Variants in NXN observed in about 807,000 individuals in gnomAD.
NXN encodes the protein nucleoredoxin.
A neutral mutation model predicts 48.6 loss-of-function variants in NXN; 16 were observed. That is an observed-to-expected ratio of 0.33 (90% confidence interval 0.22 to 0.50). NXN has a LOEUF of 0.50. Ranked by LOEUF, NXN falls within the 20% of genes least tolerant of loss-of-function variation. The probability of loss-of-function intolerance (pLI) is 0.98; values close to 1 mark genes in which losing one functional copy is unlikely to be tolerated. For synonymous variants in NXN, 281 were observed against 269.6 expected, an observed-to-expected ratio of 1.04 and a Z score of -0.41; for missense variants, 492 against 605.5, an observed-to-expected ratio of 0.81 and a Z score of 1.97.
At chr17:810,584 C>G (rs1911928297) in intron 5 of NXN, among the ~76,000 whole-genome samples, 1 of 152,124 alleles carries the variant, frequency 6.6e-6, no homozygotes, top group South Asian at 2.1e-4. Flanking sequence ...AAAACACTCC[C>G]CTGCTTAGAG....
chr17:843,057 AAGGAAGAAAGCAAGC>A (rs1384483725), intron 1 of NXN, among the ~76,000 whole-genome samples: 168 of 105,912 alleles, frequency 1.6e-3, no homozygotes, highest in African/African-American at 5.5e-3. Context: ...AGAAAGAAAG[AAGGAAGAAAGCAAGC>A]AAGCAAGCTG....
At chr17:805,369 A>T in intron 5 of NXN, 122 bp from the exon 6 acceptor site, 1 of 1,050,322 alleles carries the variant, frequency 9.5e-7, no homozygotes, top group Non-Finnish European at 1.3e-6. Flanking sequence ...AGGACCTGGT[A>T]CAGGCTCACA....
At chr17:847,049 G>C (rs541126636) in intron 1 of NXN, among the ~76,000 whole-genome samples, 7 of 152,232 alleles carry the variant, frequency 4.6e-5, no homozygotes, top group Admixed American at 3.9e-4. Context: ...AGTCGGCAGG[G>C]TGAGCTTTTC....
In NXN at chr17:825,364, T is replaced by C. The variant is rs4968061; in HGVS notation, c.478+597A>G. ...GAATCTTCTCACTGGACGGATTAAG[T>C]GAGGGGAGGAGATCTCACAGCCCTG... is the stretch of plus-strand genomic sequence containing the variant. On this transcript the variant is annotated intron_variant, in intron 2 of 7. Coordinates refer to ENST00000336868, the MANE Select transcript of NXN (RefSeq NM_022463.5). The surrounding 1 kb of genome is among the most constrained non-coding windows in gnomAD (Gnocchi z 4.1). Among the ~76,000 whole-genome samples the C allele has an allele frequency of 0.078, 11,929 of 151,988 alleles. 594 individuals carry two copies. The highest frequency in any genetic ancestry group is 0.14 in the Middle Eastern group (40 of 294).
At chr17:837,421 C>A (rs1322394823) in intron 1 of NXN, among the ~76,000 whole-genome samples, 2 of 152,198 alleles carry the variant, frequency 1.3e-5, no homozygotes, top group African/African-American at 4.8e-5. Flanking sequence ...GCCTAGTATA[C>A]CTGCTGGCCA....
Position 919,640 on chromosome 17 carries a change from A to T in NXN, c.360+59679T>A, listed in dbSNP as rs2068725233. Among the ~76,000 whole-genome samples, 1 of 152,048 alleles carries T rather than the reference A, an allele frequency of 6.6e-6. No individual in the cohort carries two copies. The highest frequency in any genetic ancestry group is 2.4e-5 in the African/African-American group (1 of 41,392). On this transcript the variant is annotated intron_variant, in intron 1 of 7. Transcript: ENST00000336868. The surrounding 1 kb of genome is among the most constrained non-coding windows in gnomAD (Gnocchi z 5.1). ...CATTCGTCCCACGCGGCCCTCAGAC[A>T]CGGGCTCTGGTTCAAGGTGGGAGAC...
intron 1 of NXN, among the ~76,000 whole-genome samples, chr17:936,999 G>T (rs961230874): frequency 1.3e-5 from 2 of 151,704 alleles, no homozygotes; most frequent in Non-Finnish European, 2.9e-5. Context: ...ACCCCAGGAG[G>T]CCGAGATTGC....
intron 1 of NXN, among the ~76,000 whole-genome samples, chr17:972,801 G>A (rs186248384): frequency 7.9e-5 from 12 of 152,340 alleles, no homozygotes; most frequent in African/African-American, 1.9e-4. Context: ...GGAGGCTGAC[G>A]CGGGTGGATC....
intron 1 of NXN, among the ~76,000 whole-genome samples, chr17:884,765 A>G (rs1410508314): frequency 6.6e-6 from 1 of 152,202 alleles, no homozygotes; most frequent in Non-Finnish European, 1.5e-5. Context: ...CTCGGGAATT[A>G]ATAAGCTAAA....
Position 962,003 on chromosome 17 carries a change from C to T in NXN, c.360+17316G>A, listed in dbSNP as rs1309251844. 3.3e-5 allele frequency among the ~76,000 whole-genome samples: 5 copies of T among 151,598 alleles called. No individual in the cohort carries two copies. The East Asian group carries it at 6.1e-4, about 19-fold the overall frequency. On this transcript the variant is annotated intron_variant, in intron 1 of 7. Transcript: ENST00000336868. Reference sequence around the variant, plus strand: ...CACAAAAATTAGCCAGGCGTGGTGGCGCGTGCCTGTAATCCCAGCTACTCA... The same window carrying T: ...CACAAAAATTAGCCAGGCGTGGTGGTGCGTGCCTGTAATCCCAGCTACTCA...
chr17:886,091 GC>G lies in NXN; in HGVS notation c.361-60014del, dbSNP rs371557904. Among the ~76,000 whole-genome samples the G allele has an allele frequency of 4.0e-3, 608 of 152,128 alleles. 5 individuals are homozygous for G. Among genetic ancestry groups the G allele is most frequent in the African/African-American group, 0.014 (581 of 41,506 alleles). On this transcript the variant is annotated intron_variant, in intron 1 of 7. Transcript: ENST00000336868. The stretch of plus-strand genomic sequence containing the variant: ...ACACAAAAGGCACAAAGAGGCTGGG[GC>G]CAGGTGGAGCCCATCAGAAATTGAA...
intron 1 of NXN, among the ~76,000 whole-genome samples, chr17:839,883 G>A (rs1191312753): frequency 6.6e-6 from 1 of 150,898 alleles, no homozygotes; most frequent in Non-Finnish European, 1.5e-5. Context: ...GATTACCTGA[G>A]GTCAGGAGTT....
chr17:852,930 C>G (rs540966088), intron 1 of NXN, among the ~76,000 whole-genome samples: 1 of 152,274 alleles, frequency 6.6e-6, no homozygotes, highest in African/African-American at 2.4e-5. Flanking sequence ...CCAGGCCCCA[C>G]CTCTGACCCA....
intron 1 of NXN, among the ~76,000 whole-genome samples, chr17:827,891 G>A (rs537963648): frequency 1.2e-3 from 187 of 152,286 alleles, no homozygotes; most frequent in Non-Finnish European, 2.3e-3. Flanking sequence ...CATCCGAAGC[G>A]GTGAGGGGCA....
intron 1 of NXN, among the ~76,000 whole-genome samples, chr17:957,354 C>CCG: frequency 6.6e-6 from 1 of 152,208 alleles, no homozygotes; most frequent in South Asian, 2.1e-4. Context: ...CATTTCTGGG[C>CCG]CGGGCGCAGG....
chr17:806,702 C>T (rs1911551785), intron 5 of NXN, among the ~76,000 whole-genome samples: 1 of 152,240 alleles, frequency 6.6e-6, no homozygotes, highest in Admixed American at 6.5e-5. Flanking sequence ...CGCTGACATT[C>T]TCCTTCCCTG....
intron 1 of NXN, among the ~76,000 whole-genome samples, chr17:884,826 A>C (rs2068325110): frequency 6.6e-6 from 1 of 152,254 alleles, no homozygotes; most frequent in African/African-American, 2.4e-5. Context: ...ATGTCCCGAT[A>C]AAACATGTTT....
At chr17:943,752 G>T (rs149390265) in intron 1 of NXN, among the ~76,000 whole-genome samples, 2,537 of 151,970 alleles carry the variant, frequency 0.017, 69 homozygotes, top group African/African-American at 0.057. Context: ...TTGAACCCAG[G>T]AGGCGGAGGT....
intron 1 of NXN, among the ~76,000 whole-genome samples, chr17:935,283 C>T (rs182640464): frequency 3.9e-5 from 6 of 152,086 alleles, no homozygotes; most frequent in East Asian, 1.9e-4. Context: ...TGTGAGCCAC[C>T]GCGCCCGGCC....
Sources: allele counts gnomAD v4.1 joint callset (sites outside exome capture counted in the v4.1 genomes callset), GRCh38; gene constraint gnomAD v4.1.1; non-coding constraint Gnocchi (gnomAD v3.1); transcripts MANE v1.5; gene names NCBI Gene and HGNC (gene_info 2026-07-23, HGNC 2026-07-21).